ACOXL: variants seen among roughly 807,000 people sequenced by gnomAD.
ACOXL encodes the protein acyl-CoA oxidase like.
ACOXL carries 70 observed loss-of-function variants against 71.9 expected under a neutral mutation model. The ratio of observed to expected loss-of-function variants is 0.97; its 90% confidence interval spans 0.80 to 1.19. The LOEUF (loss-of-function observed/expected upper bound fraction) is 1.19. Among genes scored for constraint, ACOXL ranks in the 50% most tolerant of loss-of-function variants. The pLI, the probability that ACOXL is intolerant of heterozygous loss-of-function variation, is 0.00. For missense variants in ACOXL, 703 were observed against 736.3 expected, an observed-to-expected ratio of 0.95 and a Z score of 0.52; for synonymous variants, 253 against 281.6, an observed-to-expected ratio of 0.90 and a Z score of 1.02.
chr2:110,767,701 C>T (rs1429865413), intron 1 of ACOXL, among the ~76,000 whole-genome samples: 1 of 152,208 alleles, frequency 6.6e-6, no homozygotes, highest in Non-Finnish European at 1.5e-5. Context: ...ACGCATGTCA[C>T]TCCCTTGCCC....
rs191647459 is a variant in ACOXL at position 110,912,111 on chromosome 2, A to G, written c.905+3206A>G. 5.3e-5 allele frequency among the ~76,000 whole-genome samples: 8 copies of G among 152,160 alleles called. No individual in the cohort carries two copies. In the East Asian group the frequency reaches 1.3e-3, roughly 26 times the overall value. ...AAAATACTTAAGGATAAATTTAACAAAGAAGTTAAAGAAGATGTGAATATA... is the reference window on the plus strand; with the variant it reads ...AAAATACTTAAGGATAAATTTAACAGAGAAGTTAAAGAAGATGTGAATATA... On this transcript the variant is annotated intron_variant, in intron 11 of 17. Transcript: ENST00000439055.
chr2:110,766,565 G>A (rs1269129547), intron 1 of ACOXL, among the ~76,000 whole-genome samples: 1 of 152,218 alleles, frequency 6.6e-6, no homozygotes, highest in Non-Finnish European at 1.5e-5. Flanking sequence ...GTATGGGATG[G>A]AAGGTCAGTT....
chr2:111,084,583 T>C (rs1278504783), intron 16 of ACOXL, among the ~76,000 whole-genome samples: 1 of 152,102 alleles, frequency 6.6e-6, no homozygotes, highest in Non-Finnish European at 1.5e-5. Context: ...TTGTTCTCAA[T>C]TGGAAAGGAC....
chr2:111,105,558 T>C (rs76748493), intron 17 of ACOXL, among the ~76,000 whole-genome samples: 3,109 of 152,278 alleles, frequency 0.02, 120 homozygotes, highest in African/African-American at 0.071. Flanking sequence ...ACATGCTTTG[T>C]TGGATTACAT....
intron 10 of ACOXL, among the ~76,000 whole-genome samples, chr2:110,873,134 CA>C (rs1233102338): frequency 6.6e-6 from 1 of 152,178 alleles, no homozygotes; most frequent in Non-Finnish European, 1.5e-5. Flanking sequence ...AAGAGGGTGA[CA>C]AAACTGGGGA....
intron 10 of ACOXL, among the ~76,000 whole-genome samples, chr2:110,870,952 C>A (rs1025363416): frequency 6.6e-6 from 1 of 152,098 alleles, no homozygotes; most frequent in Admixed American, 6.5e-5. Context: ...TCAGGAGGGA[C>A]CCCTGACTCA....
In ACOXL at chr2:110,805,281, A is replaced by G; in HGVS notation, c.639A>G (p.Pro213=). ...NLLDKFGSVA[P]DGQYHSPIRN... is the part of the protein sequence containing the mutation. ...TCCACAGGTTTGGTTCCGTGGCTCC[A>G]GATGGACAGTACCATTCGCCTATTA... The change falls in exon 9 of 18, where the codon CCA becomes CCG. Residue 213 remains proline, a synonymous_variant. Transcript: ENST00000439055. 6.2e-7 allele frequency: 1 copy of G among 1,614,232 alleles called. No individual in the cohort carries two copies. The highest frequency in any genetic ancestry group is 8.5e-7 in the Non-Finnish European group (1 of 1,180,040).
intron 14 of ACOXL, among the ~76,000 whole-genome samples, chr2:111,009,947 A>G (rs1163284611): frequency 6.6e-6 from 1 of 152,230 alleles, no homozygotes; most frequent in Non-Finnish European, 1.5e-5. Context: ...AAGACTCTAT[A>G]AATTCAAGTT....
chr2:110,893,644 A>G (rs950519893), intron 10 of ACOXL, among the ~76,000 whole-genome samples: 4 of 152,200 alleles, frequency 2.6e-5, no homozygotes, highest in Non-Finnish European at 5.9e-5. Context: ...TTATGCCTTC[A>G]AGTATAGTTA....
intron 2 of ACOXL, 49 bp downstream of exon 2, chr2:110,768,513 T>TGTGTGTGTGTGTGAGAGAGA (rs397975396): frequency 1.7e-4 from 159 of 929,742 alleles, no homozygotes; most frequent in African/African-American, 1.0e-3. Context: ...TGTGTGTGTG[T>TGTGTGTGTGTGTGAGAGAGA]GAGAGAGAGA....
intron 5 of ACOXL, among the ~76,000 whole-genome samples, chr2:110,796,505 A>C (rs904291069): frequency 6.6e-6 from 1 of 152,186 alleles, no homozygotes; most frequent in East Asian, 1.9e-4. Context: ...CAGAAGTGAC[A>C]AACCTCCTTT....
At chr2:111,002,244 A>T (rs1008200507) in intron 14 of ACOXL, among the ~76,000 whole-genome samples, 2 of 146,978 alleles carry the variant, frequency 1.4e-5, no homozygotes, top group Admixed American at 1.4e-4. Flanking sequence ...ACTCTCATAG[A>T]CTGTGAGATG....
At chr2:110,760,675 G>T (rs916990366) in intron 1 of ACOXL, among the ~76,000 whole-genome samples, 6 of 152,208 alleles carry the variant, frequency 3.9e-5, no homozygotes, top group Admixed American at 3.9e-4. Context: ...GCCAAGACAA[G>T]TGAGCTGTTC....
At chr2:110,821,931 CATT>C (rs973921367) in intron 9 of ACOXL, among the ~76,000 whole-genome samples, 37 of 151,880 alleles carry the variant, frequency 2.4e-4, no homozygotes, top group South Asian at 8.3e-4. Flanking sequence ...ATTCTTCTAT[CATT>C]GTGTGTGTGT....
intron 14 of ACOXL, among the ~76,000 whole-genome samples, chr2:111,020,413 G>T (rs1366253103): frequency 3.9e-5 from 6 of 152,216 alleles, no homozygotes; most frequent in Non-Finnish European, 8.8e-5. Flanking sequence ...ATGGAGAGCT[G>T]GTGGGGGGCT....
intron 17 of ACOXL, among the ~76,000 whole-genome samples, chr2:111,111,925 T>C (rs115467271): frequency 0.017 from 2,614 of 152,282 alleles, 74 homozygotes; most frequent in African/African-American, 0.06. Flanking sequence ...AAAGTGGACA[T>C]TGTCAAAATA....
intron 9 of ACOXL, among the ~76,000 whole-genome samples, chr2:110,815,279 A>G (rs1687784340): frequency 6.6e-6 from 1 of 152,204 alleles, no homozygotes; most frequent in Non-Finnish European, 1.5e-5. Flanking sequence ...AACACATGGA[A>G]ATTATGGGAA....
At chr2:110,909,818 T>C (rs536498833) in intron 11 of ACOXL, among the ~76,000 whole-genome samples, 1 of 151,202 alleles carries the variant, frequency 6.6e-6, no homozygotes, top group African/African-American at 2.4e-5. Context: ...GTTCTTATTG[T>C]ACACAAGACT....
intron 12 of ACOXL, among the ~76,000 whole-genome samples, chr2:110,941,180 T>C (rs1460989715): frequency 6.6e-6 from 1 of 152,200 alleles, no homozygotes; most frequent in East Asian, 1.9e-4. Context: ...AAATTCTCTT[T>C]ATGTGCAGAA....
Sources: gnomAD v4.1 joint callset for allele counts (sites outside exome capture counted in the v4.1 genomes callset) on GRCh38, gnomAD v4.1.1 for gene constraint, MANE v1.5 for transcripts, NCBI Gene and HGNC (gene_info 2026-07-23, HGNC 2026-07-21) for gene names.